Variants in MEI4 observed in about 807,000 individuals in gnomAD.
The protein encoded by MEI4 is meiosis-specific protein MEI4.
A neutral mutation model predicts 31.4 loss-of-function variants in MEI4; 27 were observed. The observed-to-expected ratio is 0.86, with a 90% confidence interval of 0.63 to 1.19. MEI4 has a LOEUF of 1.19. Among genes scored for constraint, MEI4 ranks in the 50% most tolerant of loss-of-function variants. The pLI is 0.00. For missense variants in MEI4, 329 were observed against 398.9 expected (o/e 0.82, Z 1.49); for synonymous variants, 122 against 145.4 (o/e 0.84, Z 1.16).
chr6:77,784,224 C>T (rs1380592657), intron 3 of MEI4, among the ~76,000 whole-genome samples: 2 of 152,132 alleles, frequency 1.3e-5, no homozygotes, highest in East Asian at 3.8e-4. Context: ...AGAATAAATA[C>T]ACACACCAAT....
intron 3 of MEI4, among the ~76,000 whole-genome samples, chr6:77,791,793 A>C (rs1312422928): frequency 6.6e-6 from 1 of 152,130 alleles, no homozygotes; most frequent in Non-Finnish European, 1.5e-5. Context: ...CTTAAAATCT[A>C]ATCTCTAGTA....
rs34181852 is a variant in MEI4, at chr6:77,755,825, G to GGTGTGTGTGTGTGTGTGTGTGTGTGT, written c.233-5300_233-5275dup. On this transcript the variant is annotated intron_variant, in intron 2 of 4. Coordinates refer to ENST00000684080, the MANE Select transcript of MEI4 (RefSeq NM_001322247.2). ...AATATGTGTCAAATTGTGCTGGAAT[G>GGTGTGTGTGTGTGTGTGTGTGTGTGT]GTGTGTGTGTGTGTGTGTGTGTGTG... Among the ~76,000 whole-genome samples the GGTGTGTGTGTGTGTGTGTGTGTGTGT allele has an allele frequency of 3.7e-4, 54 of 145,256 alleles. 1 individual carries two copies. The highest frequency in any genetic ancestry group is 1.3e-3 in the African/African-American group (51 of 39,776).
intron 3 of MEI4, among the ~76,000 whole-genome samples, chr6:77,792,090 A>G (rs1443202755): frequency 6.6e-6 from 1 of 152,124 alleles, no homozygotes; most frequent in Non-Finnish European, 1.5e-5. Context: ...AATGTCCTCC[A>G]GGTTCATCCA....
chr6:77,832,161 C>T (rs1440763781), intron 4 of MEI4, among the ~76,000 whole-genome samples: 1 of 151,856 alleles, frequency 6.6e-6, no homozygotes, highest in African/African-American at 2.4e-5. Context: ...ACAGATTTTC[C>T]AACCTAAAGT....
In MEI4 at chr6:77,923,370, C is replaced by T. The variant is rs147690677; in HGVS notation, c.*24C>T. The T allele has an allele frequency of 3.5e-3, 4,302 of 1,227,016 alleles. 10 individuals carry two copies. The highest frequency in any genetic ancestry group is 3.8e-3 in the Non-Finnish European group (3,705 of 984,062). 76.0% of individuals were successfully genotyped at this position (1,227,016 alleles called of 1,614,324 possible). On this transcript the variant is annotated 3_prime_UTR_variant, in exon 5 of 5. Transcript: ENST00000684080. ...AACTCCATTCCTTAGCAATTTACCA[C>T]GTTTGAAGCATAATAAAGTAGAATA...
At chr6:77,891,557 C>G (rs1771768474) in intron 4 of MEI4, among the ~76,000 whole-genome samples, 1 of 151,914 alleles carries the variant, frequency 6.6e-6, no homozygotes, top group Non-Finnish European at 1.5e-5. Context: ...AACCTTTGCT[C>G]TCTTGTATCT....
rs544094843 is a variant in MEI4, at chr6:77,773,953, C to T, written c.768+12288C>T. On this transcript the variant is annotated intron_variant, in intron 3 of 4. Transcript: ENST00000684080. ...ATCATCAGGAAAATGCAAATTAAAA[C>T]GATAATGAGATGTAATCTTACCCCA... Among the ~76,000 whole-genome samples, 218 of 151,982 alleles carry T rather than the reference C, an allele frequency of 1.4e-3. 1 individual carries two copies. The highest frequency in any genetic ancestry group is 4.5e-3 in the African/African-American group (186 of 41,452).
chr6:77,836,047 TA>T (rs139822509), intron 4 of MEI4, among the ~76,000 whole-genome samples: 3 of 152,250 alleles, frequency 2.0e-5, no homozygotes, highest in East Asian at 1.9e-4. Flanking sequence ...AAAATTTATT[TA>T]AAAAATACAG....
At chr6:77,751,431 AG>A (rs1238658124) in intron 2 of MEI4, among the ~76,000 whole-genome samples, 1 of 152,204 alleles carries the variant, frequency 6.6e-6, no homozygotes, top group African/African-American at 2.4e-5. Context: ...AAAATGATAA[AG>A]GGGATATCAC....
At chr6:77,838,276 T>A (rs1002642782) in intron 4 of MEI4, among the ~76,000 whole-genome samples, 1 of 152,114 alleles carries the variant, frequency 6.6e-6, no homozygotes, top group Non-Finnish European at 1.5e-5. Context: ...GTATGTAAAT[T>A]TATGATGTTC....
chr6:77,894,651 T>C (rs1766043180), intron 4 of MEI4, among the ~76,000 whole-genome samples: 1 of 152,208 alleles, frequency 6.6e-6, no homozygotes, highest in Admixed American at 6.6e-5. Context: ...TAAAATTTGC[T>C]TTCAATTTCT....
chr6:77,687,037 A>G (rs1769071149), intron 1 of MEI4, among the ~76,000 whole-genome samples: 1 of 152,058 alleles, frequency 6.6e-6, no homozygotes, highest in Non-Finnish European at 1.5e-5. Flanking sequence ...AATAAATGAT[A>G]CAAATGGCCA....
intron 4 of MEI4, among the ~76,000 whole-genome samples, chr6:77,856,005 T>G (rs935991992): frequency 2.0e-5 from 3 of 152,164 alleles, no homozygotes; most frequent in African/African-American, 7.2e-5. Flanking sequence ...AAAAAATTGC[T>G]GGTTTTCTCC....
chr6:77,658,269 G>T (rs1013815866), intron 1 of MEI4, among the ~76,000 whole-genome samples: 1 of 152,220 alleles, frequency 6.6e-6, no homozygotes, highest in African/African-American at 2.4e-5. Context: ...TTAAGGGTGG[G>T]GGAGATTACA....
chr6:77,906,363 G>A (rs927562907), intron 4 of MEI4, among the ~76,000 whole-genome samples: 1 of 152,044 alleles, frequency 6.6e-6, no homozygotes, highest in South Asian at 2.1e-4. Flanking sequence ...TGTGTACAGC[G>A]GTGCTTGCTA....
At position 77,820,565 on chromosome 6, in the gene MEI4, C is replaced by T. The variant is rs1769798913; in HGVS notation, c.769-8366C>T. Among the ~76,000 whole-genome samples, 1 of 152,130 alleles carries T rather than the reference C, an allele frequency of 6.6e-6. No homozygotes were observed. Among genetic ancestry groups the T allele is most frequent in the African/African-American group, 2.4e-5 (1 of 41,430 alleles). ...ACAGTCATGAGCCACTGTGCCCGGC[C>T]GGTTTTCTTTTTTAAATCCCTTTAG... is the stretch of plus-strand genomic sequence containing the variant. On this transcript the variant is annotated intron_variant, in intron 3 of 4. Coordinates refer to ENST00000684080, the MANE Select transcript of MEI4 (RefSeq NM_001322247.2). This position sits in a 1 kb window ranked among gnomAD's most constrained non-coding sequence, Gnocchi z 4.5.
chr6:77,828,151 C>G (rs926056113), intron 3 of MEI4, among the ~76,000 whole-genome samples: 1 of 151,966 alleles, frequency 6.6e-6, no homozygotes, highest in Admixed American at 6.6e-5. Flanking sequence ...ACAGATATTT[C>G]TCTTCAACTC....
chr6:77,860,907 CA>C (rs1770849130), intron 4 of MEI4, among the ~76,000 whole-genome samples: 1 of 152,128 alleles, frequency 6.6e-6, no homozygotes, highest in African/African-American at 2.4e-5. Context: ...ATTTCTGGCT[CA>C]GAGTATTTCA....
intron 3 of MEI4, among the ~76,000 whole-genome samples, chr6:77,827,239 A>G (rs1332974821): frequency 6.6e-6 from 1 of 151,642 alleles, no homozygotes; most frequent in Non-Finnish European, 1.5e-5. Context: ...GGGTGCCTGT[A>G]GTCCCAGCTA....
Sources: gnomAD v4.1 joint callset for allele counts (sites outside exome capture counted in the v4.1 genomes callset) on GRCh38, gnomAD v4.1.1 for gene constraint, Gnocchi (gnomAD v3.1) non-coding constraint, MANE v1.5 for transcripts, NCBI Gene and HGNC (gene_info 2026-07-23, HGNC 2026-07-21) for gene names.